The following ABCB9 variants were observed in gnomAD, a reference collection of about 807,000 sequenced individuals.
ABCB9 encodes ATP binding cassette subfamily B member 9.
A neutral mutation model predicts 62.0 loss-of-function variants in ABCB9; 36 were observed. The observed-to-expected ratio is 0.58, with a 90% confidence interval of 0.45 to 0.77. The LOEUF (loss-of-function observed/expected upper bound fraction) is 0.77. Ranked by LOEUF, ABCB9 falls within the 30% of genes least tolerant of loss-of-function variation. The pLI, the probability that ABCB9 is intolerant of heterozygous loss-of-function variation, is 0.00. For missense variants in ABCB9, 943 were observed against 1,054.7 expected (o/e 0.89, Z 1.47); for synonymous variants, 435 against 461.4 (o/e 0.94, Z 0.73).
Position 122,963,884 on chromosome 12 carries a change from C to T in ABCB9, c.-88+2403G>A, listed in dbSNP as rs981551764. Among the ~76,000 whole-genome samples the T allele has an allele frequency of 4.6e-5, 7 of 152,210 alleles. No individual in the cohort carries two copies. In the East Asian group the frequency reaches 5.8e-4, roughly 13 times the overall value. ...GGCAAGGGGAAGTGGGTAGGATGGTCGGACACCCTCAGCCCAGGTCCTGGC... is the reference window on the plus strand; with the variant it reads ...GGCAAGGGGAAGTGGGTAGGATGGTTGGACACCCTCAGCCCAGGTCCTGGC... On this transcript the variant is annotated intron_variant, in intron 1 of 11. Coordinates refer to ENST00000280560, the MANE Select transcript of ABCB9 (RefSeq NM_019625.4).
rs1372016095 is a variant in ABCB9, at chr12:122,932,468, C to T, written c.1904-140G>A. The T allele has an allele frequency of 8.6e-7, 1 of 1,162,060 alleles. No homozygotes were observed. The highest frequency in any genetic ancestry group is 1.2e-6 in the Non-Finnish European group (1 of 849,168). 72.0% of individuals were successfully genotyped at this position (1,162,060 alleles called of 1,614,324 possible). A position where few individuals can be genotyped will look rare whatever the true frequency, so the allele number is the denominator to read the frequency against. ...TGAAAGCTCATGAAATGATGTTCCC[C>T]CCACCCAACTCATAAGGGGCATGCA... is the stretch of plus-strand genomic sequence containing the variant. On this transcript the variant is annotated intron_variant, in intron 10 of 11. Coordinates refer to ENST00000280560, the MANE Select transcript of ABCB9 (RefSeq NM_019625.4). This position sits in a 1 kb window ranked among gnomAD's most constrained non-coding sequence, Gnocchi z 4.7.
chr12:122,953,402 T>A (rs1157855967), intron 2 of ABCB9, among the ~76,000 whole-genome samples: 1 of 151,918 alleles, frequency 6.6e-6, no homozygotes, highest in Non-Finnish European at 1.5e-5. Context: ...TATATATATA[T>A]TTTGAGATGG....
chr12:122,919,881 G>GTTTGTTTATTTTTTATTTA (rs1555268630), downstream of ABCB9, among the ~76,000 whole-genome samples: 1 of 138,814 alleles, frequency 7.2e-6, no homozygotes, highest in Admixed American at 7.2e-5. Flanking sequence ...CTGTTTGTTT[G>GTTTGTTTATTTTTTATTTA]TTTATTTATT....
chr12:122,924,720 C>A, downstream of ABCB9: 2 of 1,531,998 alleles, frequency 1.3e-6, no homozygotes, highest in Non-Finnish European at 1.7e-6. Flanking sequence ...CTCTCTCATC[C>A]CTGCTTGTTT....
At chr12:122,924,748 G>A (rs1381752656), downstream of ABCB9, 16 of 1,533,730 alleles carry the variant, frequency 1.0e-5, no homozygotes, top group Non-Finnish European at 1.3e-5. Context: ...CTGTCTCTCT[G>A]GCCAACTGTG....
chr12:122,953,984 C>A (rs2036494661), intron 2 of ABCB9, among the ~76,000 whole-genome samples: 1 of 152,170 alleles, frequency 6.6e-6, no homozygotes, highest in Admixed American at 6.5e-5. Flanking sequence ...CAAGTTTATA[C>A]ATTTGGTTTG....
Position 122,940,786 on chromosome 12 carries a change from G to T in ABCB9, c.1569+21C>A. On this transcript the variant is annotated intron_variant, in intron 8 of 11. Transcript: ENST00000280560. This position sits in a 1 kb window ranked among gnomAD's most constrained non-coding sequence, Gnocchi z 4.8. ...GGTGACGGAAAGGCTGATTCTGGCA[G>T]GCCTCAAGCCGCGCCCTCACCTGCA... is the stretch of plus-strand genomic sequence containing the variant. 1.3e-6 allele frequency: 2 copies of T among 1,547,816 alleles called. No homozygotes were observed. The highest frequency in any genetic ancestry group is 8.8e-7 in the Non-Finnish European group (1 of 1,139,046).
chr12:122,935,264 C>T lies in ABCB9; in HGVS notation c.1903+8G>A. 1 of 1,599,750 alleles carries T rather than the reference C, an allele frequency of 6.3e-7. No homozygotes were observed. The highest frequency in any genetic ancestry group is 8.5e-7 in the Non-Finnish European group (1 of 1,172,562). ...GGCCCAGGAGAGGGGCCACCCCCAGCTCCACACCTGTGCTGTAGCCGTCCT... is the reference window on the plus strand; with the variant it reads ...GGCCCAGGAGAGGGGCCACCCCCAGTTCCACACCTGTGCTGTAGCCGTCCT... On this transcript the variant is annotated splice_region_variant and intron_variant, in intron 10 of 11. Coordinates refer to ENST00000280560, the MANE Select transcript of ABCB9 (RefSeq NM_019625.4).
At position 122,946,106 on chromosome 12, in the gene ABCB9, C is replaced by T. The variant is rs377742666; in HGVS notation, c.1170G>A (p.Val390=). ...SFANEEEEAE[V]YLRKLQQVYK... is the part of the protein sequence containing the mutation. The stretch of plus-strand genomic sequence containing the variant: ...ACACCTGCTGCAGCTTCCGCAGGTA[C>T]ACCTCTGCCTCCTCCTCCTCATTGG... The change falls in exon 6 of 12, where the codon GTG becomes GTA. Residue 390 remains valine, a synonymous_variant. Coordinates refer to ENST00000280560, the MANE Select transcript of ABCB9 (RefSeq NM_019625.4). 31 of 1,614,162 alleles carry T rather than the reference C, an allele frequency of 1.9e-5. No homozygotes were observed. Among genetic ancestry groups the T allele is most frequent in the East Asian group, 1.8e-4 (8 of 44,884 alleles).
Position 122,930,940 on chromosome 12 carries a change from G to A in ABCB9, c.2041-769C>T, listed in dbSNP as rs564630214. Among the ~76,000 whole-genome samples, 7 of 152,278 alleles carry A rather than the reference G, an allele frequency of 4.6e-5. No homozygotes were observed. The highest frequency in any genetic ancestry group is 1.7e-4 in the African/African-American group (7 of 41,556). On this transcript the variant is annotated intron_variant, in intron 11 of 11. Transcript: ENST00000280560. The surrounding 1 kb of genome is among the most constrained non-coding windows in gnomAD (Gnocchi z 4.9). Reference sequence around the variant, plus strand: ...GACCAGTGAGAATGCGACTCAGAGGGGAAGCACTAGCTTGAGGTCACACAG... The same window carrying A: ...GACCAGTGAGAATGCGACTCAGAGGAGAAGCACTAGCTTGAGGTCACACAG...
chr12:122,975,112 T>C, exon 1 of ABCB9: 1 of 510,628 alleles, frequency 2.0e-6, no homozygotes, highest in East Asian at 3.0e-5. Context: ...GCAGACCGTT[T>C]CCTGGCGAGG....
intron 10 of ABCB9, among the ~76,000 whole-genome samples, chr12:122,933,496 G>A (rs1055535103): frequency 2.6e-5 from 4 of 151,938 alleles, no homozygotes; most frequent in South Asian, 2.1e-4. Flanking sequence ...AGAGGTTGCC[G>A]TGAGCCGAGA....
chr12:122,942,630 A>C (rs960768868), intron 7 of ABCB9, among the ~76,000 whole-genome samples: 6 of 151,550 alleles, frequency 4.0e-5, no homozygotes, highest in Non-Finnish European at 8.8e-5. Context: ...AAAAAAAAAA[A>C]AAAAAAAACC....
downstream of ABCB9, among the ~76,000 whole-genome samples, chr12:122,928,666 C>G (rs188862782): frequency 1.3e-5 from 2 of 151,920 alleles, no homozygotes; most frequent in Admixed American, 1.3e-4. Flanking sequence ...GGGTGGGTGT[C>G]GGGTGCCTGG....
intron 1 of ABCB9, among the ~76,000 whole-genome samples, chr12:122,973,444 G>A (rs1269131584): frequency 6.8e-6 from 1 of 147,022 alleles, no homozygotes; most frequent in Non-Finnish European, 1.5e-5. Context: ...GGCGCCTGTA[G>A]TCCCAGCTAC....
chr12:122,930,624 G>C lies in ABCB9; in HGVS notation c.2041-453C>G, dbSNP rs1429171726. ...AGGGTTTCACCATGTTGGCCAGACT[G>C]GTCTCGAACACCTGACTTTGTGATC... On this transcript the variant is annotated intron_variant, in intron 11 of 11. Transcript: ENST00000280560. The surrounding 1 kb of genome is among the most constrained non-coding windows in gnomAD (Gnocchi z 4.9). Among the ~76,000 whole-genome samples, 4 of 151,960 alleles carry C rather than the reference G, an allele frequency of 2.6e-5. No individual in the cohort carries two copies. The highest frequency in any genetic ancestry group is 6.6e-5 in the Admixed American group (1 of 15,242).
intron 2 of ABCB9, among the ~76,000 whole-genome samples, chr12:122,953,656 G>A (rs1231696778): frequency 6.6e-6 from 1 of 152,140 alleles, no homozygotes; most frequent in Non-Finnish European, 1.5e-5. Flanking sequence ...AAAGTGCTGG[G>A]ATTACAGGCA....
At chr12:122,942,559 C>T (rs1163405902) in intron 7 of ABCB9, among the ~76,000 whole-genome samples, 3 of 142,660 alleles carry the variant, frequency 2.1e-5, no homozygotes, top group Admixed American at 7.5e-5. Flanking sequence ...GCAGGGGTTG[C>T]GGTGAGCCAA....
At chr12:122,954,457 C>G (rs566749905) in intron 2 of ABCB9, among the ~76,000 whole-genome samples, 84 of 152,156 alleles carry the variant, frequency 5.5e-4, no homozygotes, top group Non-Finnish European at 8.8e-4. Flanking sequence ...ATCTGCCCCC[C>G]CTTGCTGAGA....
Sources: gnomAD v4.1 joint callset for allele counts (sites outside exome capture counted in the v4.1 genomes callset) on GRCh38, gnomAD v4.1.1 for gene constraint, Gnocchi (gnomAD v3.1) non-coding constraint, MANE v1.5 for transcripts, NCBI Gene and HGNC (gene_info 2026-07-23, HGNC 2026-07-21) for gene names.